The following SDK1 variants were observed in gnomAD, a reference collection of about 807,000 sequenced individuals.
The protein encoded by SDK1 is sidekick cell adhesion molecule 1.
A neutral mutation model predicts 245.5 loss-of-function variants in SDK1; 157 were observed. The observed-to-expected ratio is 0.64, with a 90% CI of 0.56 to 0.73. The LOEUF (loss-of-function observed/expected upper bound fraction) is 0.73. Ranked by LOEUF, SDK1 falls within the 30% of genes least tolerant of loss-of-function variation. The pLI is 0.00. For synonymous variants in SDK1, 1,647 were observed against 1,278.5 expected (o/e 1.29, Z -6.15); for missense variants, 3,583 against 3,002.3 (o/e 1.19, Z -4.52).
At chr7:4,114,321 G>A (rs1236490311) in intron 25 of SDK1, 47 bp downstream of exon 25, 10 of 1,440,888 alleles carry the variant, frequency 6.9e-6, no homozygotes, top group Non-Finnish European at 1.9e-6. Flanking sequence ...ATTAGAGATG[G>A]GGCTGAGTGC....
At chr7:4,084,675 C>CGTTATGTTATGTTACGTTATGTTAT (rs1781311275) in intron 22 of SDK1, among the ~76,000 whole-genome samples, 1 of 119,774 alleles carries the variant, frequency 8.3e-6, no homozygotes, top group Non-Finnish European at 1.6e-5. Flanking sequence ...TGTTATGTTA[C>CGTTATGTTATGTTACGTTATGTTAT]GTTATGTTAT....
chr7:3,620,375 T>C lies in SDK1; in HGVS notation c.458+1136T>C, dbSNP rs1402573170. Among the ~76,000 whole-genome samples the C allele has an allele frequency of 2.0e-5, 3 of 152,178 alleles. No homozygotes were observed. The East Asian group carries it at 5.8e-4, about 29-fold the overall frequency. On this transcript the variant is annotated intron_variant, in intron 2 of 44. Coordinates refer to ENST00000404826, the MANE Select transcript of SDK1 (RefSeq NM_152744.4). Reference sequence around the variant, plus strand: ...TGGAGTGCAGTGGCGCGATCTTGGCTCACTGCAACCTCCACCTTCTGGGTT... The same window carrying C: ...TGGAGTGCAGTGGCGCGATCTTGGCCCACTGCAACCTCCACCTTCTGGGTT...
chr7:3,867,513 G>A (rs1028765467), intron 5 of SDK1, among the ~76,000 whole-genome samples: 1 of 152,224 alleles, frequency 6.6e-6, no homozygotes, highest in Non-Finnish European at 1.5e-5. Context: ...GGAAGGCAAG[G>A]AGGGGCCAGT....
chr7:3,788,809 A>G (rs1370796664), intron 4 of SDK1, among the ~76,000 whole-genome samples: 8 of 152,214 alleles, frequency 5.3e-5, no homozygotes, highest in Admixed American at 2.0e-4. Context: ...CTCAAAAAGC[A>G]TCATTCGCCC....
intron 4 of SDK1, among the ~76,000 whole-genome samples, chr7:3,809,898 T>A (rs1411606970): frequency 6.6e-6 from 1 of 152,204 alleles, no homozygotes; most frequent in East Asian, 1.9e-4. Context: ...AGCCCCAGGC[T>A]TCCCCAACTC....
At chr7:3,565,150 G>A (rs1167058693) in intron 1 of SDK1, among the ~76,000 whole-genome samples, 3 of 151,666 alleles carry the variant, frequency 2.0e-5, no homozygotes, top group Non-Finnish European at 4.4e-5. Flanking sequence ...CTAGACACTG[G>A]AATATAGCTG....
chr7:3,483,437 C>A (rs1305428601), intron 1 of SDK1, among the ~76,000 whole-genome samples: 1 of 152,114 alleles, frequency 6.6e-6, no homozygotes, highest in Non-Finnish European at 1.5e-5. Flanking sequence ...ATGTTTTGCG[C>A]TTGCCAAAAT....
intron 14 of SDK1, among the ~76,000 whole-genome samples, chr7:3,990,723 G>A (rs908703303): frequency 4.6e-5 from 7 of 152,236 alleles, no homozygotes; most frequent in East Asian, 1.9e-4. Flanking sequence ...CAAATGAGGT[G>A]AAATTCATCT....
intron 5 of SDK1, among the ~76,000 whole-genome samples, chr7:3,903,824 A>G (rs1249220422): frequency 6.6e-6 from 1 of 152,128 alleles, no homozygotes; most frequent in Non-Finnish European, 1.5e-5. Flanking sequence ...TCCCTCATGA[A>G]CAGATTAGTA....
chr7:3,753,536 C>G (rs1196806783), intron 4 of SDK1, among the ~76,000 whole-genome samples: 2 of 152,204 alleles, frequency 1.3e-5, no homozygotes, highest in Non-Finnish European at 2.9e-5. Context: ...CAGTCACCCC[C>G]AGACAGGAAG....
At chr7:4,163,286 G>T (rs1781282434) in intron 32 of SDK1, among the ~76,000 whole-genome samples, 1 of 152,204 alleles carries the variant, frequency 6.6e-6, no homozygotes, top group Non-Finnish European at 1.5e-5. Flanking sequence ...CTTCCTTGGG[G>T]CTGAAGCTGT....
intron 1 of SDK1, among the ~76,000 whole-genome samples, chr7:3,458,964 T>G (rs1263895500): frequency 6.6e-6 from 1 of 152,232 alleles, no homozygotes; most frequent in Admixed American, 6.5e-5. Flanking sequence ...GGAAAGAGTT[T>G]TAAGTTTCCA....
chr7:3,461,428 G>A (rs1038773782), intron 1 of SDK1, among the ~76,000 whole-genome samples: 1 of 152,138 alleles, frequency 6.6e-6, no homozygotes, highest in Non-Finnish European at 1.5e-5. Context: ...CCTGAGCATC[G>A]TGTGATTTTA....
intron 1 of SDK1, among the ~76,000 whole-genome samples, chr7:3,498,314 G>C (rs961689513): frequency 6.6e-6 from 1 of 152,056 alleles, no homozygotes; most frequent in Non-Finnish European, 1.5e-5. Context: ...GGTAGACTTC[G>C]GTTCTAGGAC....
chr7:4,045,493 A>G (rs1028403552), intron 17 of SDK1, among the ~76,000 whole-genome samples: 1 of 151,856 alleles, frequency 6.6e-6, no homozygotes, highest in Non-Finnish European at 1.5e-5. Flanking sequence ...CGATCCTCCC[A>G]CCTCGGCCTC....
At chr7:3,316,986 C>A (rs895367098) in intron 1 of SDK1, among the ~76,000 whole-genome samples, 1 of 151,554 alleles carries the variant, frequency 6.6e-6, no homozygotes, top group African/African-American at 2.4e-5. Flanking sequence ...TTGAGACCAG[C>A]CTGGGCAACA....
intron 5 of SDK1, among the ~76,000 whole-genome samples, chr7:3,858,866 C>CTTTTTTTTTT (rs11464569): frequency 2.3e-5 from 3 of 131,372 alleles, no homozygotes; most frequent in Non-Finnish European, 3.2e-5. Flanking sequence ...TTTCTTTTTT[C>CTTTTTTTTTT]TTTTTTTTTT....
intron 22 of SDK1, among the ~76,000 whole-genome samples, chr7:4,097,211 C>G (rs929248739): frequency 1.4e-5 from 2 of 145,198 alleles, no homozygotes; most frequent in Admixed American, 6.7e-5. Flanking sequence ...GGCAAGACGG[C>G]CTGGGCCGAC....
chr7:3,482,942 A>C (rs1781563088), intron 1 of SDK1, among the ~76,000 whole-genome samples: 1 of 151,478 alleles, frequency 6.6e-6, no homozygotes, highest in South Asian at 2.1e-4. Context: ...TGGTGACAAC[A>C]ATGATGATTT....
Sources: gnomAD v4.1 joint callset for allele counts (sites outside exome capture counted in the v4.1 genomes callset) on GRCh38, gnomAD v4.1.1 for gene constraint, MANE v1.5 for transcripts, NCBI Gene and HGNC (gene_info 2026-07-23, HGNC 2026-07-21) for gene names.